RBP4: variants seen among roughly 807,000 people sequenced by gnomAD.
RBP4 encodes retinol binding protein 4.
RBP4 carries 9 observed loss-of-function variants against 26.2 expected under a neutral mutation model. That is an observed-to-expected ratio of 0.34 (90% CI 0.21 to 0.60). The LOEUF is 0.60. RBP4 is among the 20% of genes least tolerant of loss of function. The pLI is 0.80. For synonymous variants in RBP4, 114 were observed against 111.0 expected, an observed-to-expected ratio of 1.03 and a Z score of -0.17; for missense variants, 244 against 271.3, an observed-to-expected ratio of 0.90 and a Z score of 0.71.
intron 4 of RBP4, among the ~76,000 whole-genome samples, chr10:93,594,889 C>T (rs2134569192): frequency 6.6e-6 from 1 of 152,256 alleles, no homozygotes; most frequent in South Asian, 2.1e-4. Flanking sequence ...CTTGTAATCC[C>T]AGCACTTTGG....
At chr10:93,601,123 AC>A in intron 1 of RBP4, 47 bp downstream of exon 1, 1 of 738,166 alleles carries the variant, frequency 1.4e-6, no homozygotes, top group Non-Finnish European at 2.1e-6. Flanking sequence ...ACCCCACCCC[AC>A]CCCGGCCCAT....
At chr10:93,596,376 G>A (rs536325499) in intron 4 of RBP4, among the ~76,000 whole-genome samples, 22 of 152,214 alleles carry the variant, frequency 1.4e-4, no homozygotes, top group African/African-American at 4.6e-4. Flanking sequence ...ATTCAAAGAC[G>A]AGGAATTTAA....
In RBP4 at chr10:93,593,999, G is replaced by T. The variant is rs577540732; in HGVS notation, c.392C>A (p.Thr131Lys). ...GCGGCAGGAGTACTGCACGGCATAC[G>T]TGTCGTAGTCTGTGTCGACGATCCA... Reference protein sequence around the residue: ...DHWIVDTDYDTYAVQYSCRLL... With the variant: ...DHWIVDTDYDKYAVQYSCRLL... The change falls in exon 5 of 6, where the codon ACG becomes AAG. Residue 131 changes from threonine to lysine, a missense_variant. Physicochemically the swap from Thr to Lys is moderately conservative, Grantham distance 78 (BLOSUM62 -1). Transcript: ENST00000371464. 1 of 1,613,814 alleles carries T rather than the reference G, an allele frequency of 6.2e-7. No homozygotes were observed. The highest frequency in any genetic ancestry group is 1.7e-5 in the Admixed American group (1 of 60,026).
At position 93,593,858 on chromosome 10, in the gene RBP4, C is replaced by G; in HGVS notation, c.533G>C (p.Cys178Ser). 14 of 1,612,526 alleles carry G rather than the reference C, an allele frequency of 8.7e-6. No homozygotes were observed. Among genetic ancestry groups the G allele is most frequent in the Non-Finnish European group, 1.2e-5 (14 of 1,179,936 alleles). Reference sequence around the variant, plus strand: ...GATCAGCCTGTACTGCCTGGCCAGGCACAGCTCCTCCTGCCGCTGCCTTAC... The same window carrying G: ...GATCAGCCTGTACTGCCTGGCCAGGGACAGCTCCTCCTGCCGCTGCCTTAC... ...KIVRQRQEEL[C>S]LARQYRLIVH... The change falls in exon 5 of 6, where the codon TGC becomes TCC. Residue 178 changes from cysteine to serine, a missense_variant. By Grantham distance (112) the Cys-to-Ser change is moderately radical. Coordinates refer to ENST00000371464, the MANE Select transcript of RBP4 (RefSeq NM_006744.4).
chr10:93,593,708 GA>G (rs1241288186), intron 5 of RBP4, 114 bp downstream of exon 5: 11 of 1,238,294 alleles, frequency 8.9e-6, no homozygotes, highest in Admixed American at 1.8e-5. Context: ...GGGCTCCCAA[GA>G]ACCCCTGTTT....
At chr10:93,597,499 G>A (rs2058309805) in intron 4 of RBP4, among the ~76,000 whole-genome samples, 2 of 152,208 alleles carry the variant, frequency 1.3e-5, no homozygotes, top group Admixed American at 1.3e-4. Context: ...AGTGAAGGAA[G>A]TCAAATCTCA....
intron 4 of RBP4, among the ~76,000 whole-genome samples, chr10:93,597,390 G>T (rs1043532389): frequency 2.6e-5 from 4 of 152,208 alleles, no homozygotes; most frequent in African/African-American, 9.7e-5. Context: ...TATTTATTGA[G>T]CACTTACTAT....
intron 4 of RBP4, among the ~76,000 whole-genome samples, chr10:93,594,725 C>A (rs2058292115): frequency 1.3e-5 from 2 of 152,240 alleles, no homozygotes. Context: ...AGAGGCAGAG[C>A]TGAGCCACTG....
At chr10:93,593,346 T>C (rs1589683629) in intron 5 of RBP4, among the ~76,000 whole-genome samples, 1 of 152,310 alleles carries the variant, frequency 6.6e-6, no homozygotes, top group East Asian at 1.9e-4. Context: ...ATGTCATGGC[T>C]ATTTGGTTTC....
intron 4 of RBP4, among the ~76,000 whole-genome samples, chr10:93,595,337 G>C (rs183120228): frequency 3.9e-5 from 6 of 151,926 alleles, no homozygotes. Flanking sequence ...TTGTTTTCTC[G>C]GTTACCTCTC....
At chr10:93,593,775 C>T in intron 5 of RBP4, 48 bp downstream of exon 5, 1 of 1,595,390 alleles carries the variant, frequency 6.3e-7, no homozygotes, top group Non-Finnish European at 8.6e-7. Context: ...TTAGTCCAAA[C>T]CCACTGCCCT....
At chr10:93,601,536 C>T (rs2058339815), upstream of RBP4, 2 of 656,556 alleles carry the variant, frequency 3.0e-6, no homozygotes, top group East Asian at 2.8e-5. Context: ...GGGTGGCCTC[C>T]GGGGCCAGTG....
chr10:93,593,512 T>G (rs933097834), intron 5 of RBP4, among the ~76,000 whole-genome samples: 8 of 152,130 alleles, frequency 5.3e-5, no homozygotes, highest in Non-Finnish European at 7.3e-5. Flanking sequence ...CAATGGTTTT[T>G]TGGGGCAGTG....
In RBP4 at chr10:93,600,990, C is replaced by T; in HGVS notation, c.39G>A (p.Leu13=). 6.2e-7 allele frequency: 1 copy of T among 1,612,198 alleles called. No individual in the cohort carries two copies. The highest frequency in any genetic ancestry group is 8.5e-7 in the Non-Finnish European group (1 of 1,179,724). ...AGTCGCGCTCCGCGCGGCCGCTGCC[C>T]AGCGCCGCCAACAGCAAGAGCGCCC... The part of the protein sequence containing the change: ...WVWALLLLAA[L]GSGRAERDCR... The change falls in exon 2 of 6, where the codon CTG becomes CTA. Residue 13 remains leucine, a synonymous_variant. Transcript: ENST00000371464.
At position 93,591,825 on chromosome 10, in the gene RBP4, G is replaced by T; in HGVS notation, c.*250C>A. Reference sequence around the variant, plus strand: ...CTGCAGCACAGACATAAACACAAATGAAAACTAAAATCACAGGACACGGGT... The same window carrying T: ...CTGCAGCACAGACATAAACACAAATTAAAACTAAAATCACAGGACACGGGT... On this transcript the variant is annotated 3_prime_UTR_variant, in exon 6 of 6. Transcript: ENST00000371464. 1 of 528,658 alleles carries T rather than the reference G, an allele frequency of 1.9e-6. No homozygotes were observed. The highest frequency in any genetic ancestry group is 3.4e-6 in the Non-Finnish European group (1 of 295,000). The allele number at this position is 528,658 out of a possible 1,614,324, so 32.7% of individuals were successfully genotyped here.
upstream of RBP4, chr10:93,601,414 G>C (rs1172109945): frequency 7.7e-7 from 1 of 1,297,888 alleles, no homozygotes; most frequent in Non-Finnish European, 9.9e-7. Flanking sequence ...CTCCAGGACA[G>C]CCTCGGGCAC....
At chr10:93,594,215 G>A (rs1451690914) in intron 4 of RBP4, among the ~76,000 whole-genome samples, 180 bp from the exon 5 acceptor site, 1 of 152,062 alleles carries the variant, frequency 6.6e-6, no homozygotes, top group African/African-American at 2.4e-5. Flanking sequence ...AATCAGAAAG[G>A]ATCTTGTTCT....
At chr10:93,600,522 C>CAGCCA (rs752169390) in intron 3 of RBP4, 23 bp from the exon 4 acceptor site, 7 of 1,613,794 alleles carry the variant, frequency 4.3e-6, no homozygotes, top group Non-Finnish European at 5.1e-6. Context: ...AGGGGATCCT[C>CAGCCA]AGCCAAGCCG....
chr10:93,601,325 G>A, upstream of RBP4: 1 of 1,225,642 alleles, frequency 8.2e-7, no homozygotes, highest in Non-Finnish European at 1.0e-6. Flanking sequence ...CCGAAGGGGA[G>A]GCGCCGGGGG....
Sources: allele counts gnomAD v4.1 joint callset (sites outside exome capture counted in the v4.1 genomes callset), GRCh38; gene constraint gnomAD v4.1.1; transcripts MANE v1.5; gene names NCBI Gene and HGNC (gene_info 2026-07-23, HGNC 2026-07-21).